The following PAK1 variants were observed in gnomAD, a reference collection of about 807,000 sequenced individuals.
The protein encoded by PAK1 is p21 (RAC1) activated kinase 1.
PAK1 carries 29 observed loss-of-function variants against 67.4 expected under a neutral mutation model. That is an observed-to-expected ratio of 0.43 (90% CI 0.32 to 0.59). The LOEUF is 0.59. Among genes scored for constraint, PAK1 ranks in the 20% least tolerant of loss-of-function variants. The pLI is 0.07. For synonymous variants in PAK1, 223 were observed against 237.4 expected (o/e 0.94, Z 0.56); for missense variants, 337 against 670.7 (o/e 0.50, Z 5.50).
upstream of PAK1, among the ~76,000 whole-genome samples, chr11:77,479,235 C>T (rs1592616511): frequency 6.6e-6 from 1 of 152,082 alleles, no homozygotes; most frequent in Non-Finnish European, 1.5e-5. Flanking sequence ...ATGAATTTTG[C>T]CAACAACCTG....
intron 2 of PAK1, among the ~76,000 whole-genome samples, chr11:77,388,560 A>G (rs1351100547): frequency 2.0e-5 from 3 of 152,118 alleles, no homozygotes. Context: ...TCACCGTGTT[A>G]GCCAGGATGG....
In PAK1 at chr11:77,392,715, A is replaced by G. The variant is rs574842533; in HGVS notation, c.-21-174T>C. 1.3e-5 allele frequency among the ~76,000 whole-genome samples: 2 copies of G among 152,326 alleles called. 1 individual carries two copies. The highest frequency in any genetic ancestry group is 4.1e-4 in the South Asian group (2 of 4,826). ...ACACTCACTGATGTAAATGCCTACT[A>G]TATGCCAAGCACTAATGAAAAATCA... On this transcript the variant is annotated intron_variant, in intron 1 of 14. Coordinates refer to ENST00000356341, the MANE Select transcript of PAK1 (RefSeq NM_002576.5).
intron 1 of PAK1, among the ~76,000 whole-genome samples, chr11:77,399,695 T>C (rs532707157): frequency 7.8e-4 from 117 of 150,542 alleles, no homozygotes; most frequent in African/African-American, 2.7e-3. Flanking sequence ...CCGTCTCTAC[T>C]AAAAATACAA....
In PAK1 at chr11:77,446,288, G is replaced by T. The variant is rs139918977; in HGVS notation, c.-22+27264C>A. The stretch of plus-strand genomic sequence containing the variant: ...GCACTTTGGGAGGCCGAGGTGGGTG[G>T]ATCACCTGAGGCCAGGAGTTCGAGA... On this transcript the variant is annotated intron_variant, in intron 1 of 14. Coordinates refer to ENST00000356341, the MANE Select transcript of PAK1 (RefSeq NM_002576.5). Among the ~76,000 whole-genome samples the T allele has an allele frequency of 2.0e-5, 3 of 152,208 alleles. No individual in the cohort carries two copies. In the East Asian group the frequency reaches 5.8e-4, roughly 29 times the overall value.
the PAK1 span, among the ~76,000 whole-genome samples, chr11:77,485,177 G>C: frequency 1.3e-5 from 2 of 152,172 alleles, no homozygotes; most frequent in African/African-American, 4.8e-5. Context: ...GAGTAGCGGG[G>C]TAGAGGTGGG....
chr11:77,464,080 G>C (rs1425499082), intron 1 of PAK1, among the ~76,000 whole-genome samples: 1 of 151,972 alleles, frequency 6.6e-6, no homozygotes, highest in Non-Finnish European at 1.5e-5. Context: ...TTTCAGTATT[G>C]TCTTCAAACT....
intron 1 of PAK1, among the ~76,000 whole-genome samples, chr11:77,433,069 G>A (rs753284304): frequency 6.6e-5 from 10 of 152,168 alleles, no homozygotes; most frequent in Non-Finnish European, 1.5e-4. Flanking sequence ...TTTTCAACAA[G>A]AGTGCCAAGA....
chr11:77,362,770 AT>A lies in PAK1; in HGVS notation c.478-3754del, dbSNP rs1346323754. On this transcript the variant is annotated intron_variant, in intron 5 of 14. Transcript: ENST00000356341. The stretch of plus-strand genomic sequence containing the variant: ...TGCTCAGTATAGGATTGCTAAATGA[AT>A]ATGTCTTATCCAATAGTAGTATAAA... 3.1e-3 allele frequency among the ~76,000 whole-genome samples: 473 copies of A among 152,286 alleles called. 4 individuals are homozygous for A. Among genetic ancestry groups the A allele is most frequent in the African/African-American group, 0.011 (443 of 41,580 alleles).
intron 5 of PAK1, among the ~76,000 whole-genome samples, chr11:77,360,784 T>G (rs1003568693): frequency 2.0e-5 from 3 of 152,186 alleles, no homozygotes; most frequent in African/African-American, 4.8e-5. Context: ...GGGTCTAAGT[T>G]AAGTCTCACA....
intron 1 of PAK1, among the ~76,000 whole-genome samples, chr11:77,472,262 G>C (rs769994423): frequency 7.9e-5 from 12 of 152,184 alleles, no homozygotes; most frequent in Non-Finnish European, 1.5e-4. Context: ...GAAGTTTTCA[G>C]GGTCAATGTT....
chr11:77,327,897 G>A (rs1373460717), intron 14 of PAK1, among the ~76,000 whole-genome samples: 2 of 152,064 alleles, frequency 1.3e-5, no homozygotes, highest in African/African-American at 2.4e-5. Context: ...CCCATCTCAC[G>A]TGCAGAGACA....
At chr11:77,323,471 T>C (rs898892951) in intron 14 of PAK1, 111 bp from the exon 15 acceptor site, 10 of 752,978 alleles carry the variant, frequency 1.3e-5, no homozygotes, top group Non-Finnish European at 2.1e-5. Context: ...TGTGGAAAGC[T>C]TCTGATCATC....
chr11:77,353,426 T>C, intron 8 of PAK1, 110 bp downstream of exon 8: 1 of 744,904 alleles, frequency 1.3e-6, no homozygotes, highest in Non-Finnish European at 2.4e-6. Flanking sequence ...AGGGGTAAAG[T>C]GGAGAAAGAA....
At chr11:77,413,259 G>A (rs1039041780) in intron 1 of PAK1, among the ~76,000 whole-genome samples, 5 of 152,164 alleles carry the variant, frequency 3.3e-5, no homozygotes, top group African/African-American at 9.7e-5. Context: ...AAAGGGGGTA[G>A]GAGTGGAAAT....
chr11:77,472,010 G>T (rs1018101209), intron 1 of PAK1, among the ~76,000 whole-genome samples: 1 of 152,306 alleles, frequency 6.6e-6, no homozygotes, highest in East Asian at 1.9e-4. Flanking sequence ...GTCCCCCAGA[G>T]ATTAGGGCAG....
the PAK1 span, among the ~76,000 whole-genome samples, chr11:77,520,008 C>G: frequency 0.15 from 22,179 of 152,180 alleles, 1,828 homozygotes; most frequent in Non-Finnish European, 0.18. Flanking sequence ...TGTGGCCCCC[C>G]CCTCCGCCCG....
At chr11:77,390,965 T>C (rs1951066158) in intron 2 of PAK1, among the ~76,000 whole-genome samples, 1 of 152,220 alleles carries the variant, frequency 6.6e-6, no homozygotes. Context: ...ATAAGACATA[T>C]CTATATAAAG....
chr11:77,387,325 G>A (rs979370964), intron 2 of PAK1, among the ~76,000 whole-genome samples: 8 of 152,142 alleles, frequency 5.3e-5, no homozygotes, highest in African/African-American at 9.7e-5. Context: ...CGCCCGCCTC[G>A]GCCTCCCAAA....
intron 14 of PAK1, among the ~76,000 whole-genome samples, chr11:77,330,887 C>G (rs1941341915): frequency 6.6e-6 from 1 of 152,178 alleles, no homozygotes; most frequent in Admixed American, 6.5e-5. Flanking sequence ...ACCTACTCAT[C>G]TGACAAAGGG....
Sources: allele counts gnomAD v4.1 joint callset (sites outside exome capture counted in the v4.1 genomes callset), GRCh38; gene constraint gnomAD v4.1.1; transcripts MANE v1.5; gene names NCBI Gene and HGNC (gene_info 2026-07-23, HGNC 2026-07-21).